IL4I1: variants seen among roughly 807,000 people sequenced by gnomAD.
The protein encoded by IL4I1 is L-amino-acid oxidase.
IL4I1 carries 24 observed loss-of-function variants against 29.7 expected under a neutral mutation model. That is an observed-to-expected ratio of 0.81 (90% CI 0.59 to 1.14). The LOEUF is 1.14. IL4I1 is among the 50% of genes most tolerant of loss of function. IL4I1 has a pLI of 0.00. For missense variants in IL4I1, 686 were observed against 785.6 expected (o/e 0.87, Z 1.52); for synonymous variants, 371 against 352.5 (o/e 1.05, Z -0.59).
chr19:49,922,888 C>A (rs1228569879), intron 2 of IL4I1, among the ~76,000 whole-genome samples: 6 of 152,096 alleles, frequency 3.9e-5, no homozygotes, highest in Non-Finnish European at 5.9e-5. Flanking sequence ...CCGGTCCAGG[C>A]CTCTTCCCAT....
intron 2 of IL4I1, among the ~76,000 whole-genome samples, chr19:49,912,520 AG>A (rs1813605337): frequency 6.6e-6 from 1 of 151,920 alleles, no homozygotes; most frequent in African/African-American, 2.4e-5. Context: ...CTCAGGTGCC[AG>A]GGATCTATTC....
rs149405354 is a variant in IL4I1 at position 49,909,247 on chromosome 19, C to T, written c.-227-4926G>A. ...CTGGCGTGGCCGGAGTGAAGGGCAA[C>T]GTGGCAGGTGCCGTGGGCTGGGCTG... On this transcript the variant is annotated intron_variant, in intron 2 of 9. Transcript: ENST00000341114. The T allele has an allele frequency of 3.9e-5, 63 of 1,613,872 alleles. No homozygotes were observed. The highest frequency in any genetic ancestry group is 1.5e-4 in the South Asian group (14 of 91,076).
chr19:49,898,433 G>T (rs1048319030), upstream of IL4I1, among the ~76,000 whole-genome samples: 2 of 152,220 alleles, frequency 1.3e-5, no homozygotes, highest in Admixed American at 6.5e-5. Context: ...GAGCCCAGGG[G>T]CTCGAGACCA....
intron 2 of IL4I1, among the ~76,000 whole-genome samples, chr19:49,919,552 T>G (rs1199177665): frequency 2.0e-5 from 3 of 152,194 alleles, no homozygotes; most frequent in African/African-American, 4.8e-5. Context: ...AGGCAGTAGC[T>G]AAATGATTTG....
chr19:49,901,860 T>C, upstream of IL4I1: 1 of 511,062 alleles, frequency 2.0e-6, no homozygotes, highest in East Asian at 3.4e-5. Context: ...AAGTGTTTTA[T>C]TATGGAAACT....
chr19:49,914,733 T>TTTTG lies in IL4I1; in HGVS notation c.-227-10413_-227-10412insCAAA, dbSNP rs1281360123. 3.5e-4 allele frequency among the ~76,000 whole-genome samples: 36 copies of TTTTG among 102,952 alleles called. 1 individual carries two copies. The South Asian group carries it at 3.5e-3, about 10-fold the overall frequency. 67.5% of individuals were successfully genotyped at this position (102,952 alleles called of 152,430 possible). On this transcript the variant is annotated intron_variant, in intron 2 of 9. Coordinates refer to the IL4I1 transcript ENST00000341114. The stretch of plus-strand genomic sequence containing the variant: ...GTGCCACTCCAAGTCCCAGTTTTTT[T>TTTTG]TTTTTTTTTTTTTTTTTTTTTTTTG...
At chr19:49,914,236 A>G (rs571418545) in intron 2 of IL4I1, among the ~76,000 whole-genome samples, 1 of 152,358 alleles carries the variant, frequency 6.6e-6, no homozygotes. Context: ...TGATCCCGGA[A>G]TTACCACATT....
intron 2 of IL4I1, among the ~76,000 whole-genome samples, chr19:49,926,243 T>TAA (rs2075885851): frequency 7.2e-6 from 1 of 139,594 alleles, no homozygotes; most frequent in Non-Finnish European, 1.5e-5. Flanking sequence ...TAGGTCTTGC[T>TAA]TAAGACTGGG....
At chr19:49,926,208 CAAAAAAAAAAA>C (rs33981121) in intron 2 of IL4I1, among the ~76,000 whole-genome samples, 2 of 42,516 alleles carry the variant, frequency 4.7e-5, no homozygotes, top group East Asian at 7.9e-4. Flanking sequence ...GACTCTGTCT[CAAAAAAAAAAA>C]AAAAAAAAAA....
At chr19:49,923,987 G>A (rs2075824565) in intron 2 of IL4I1, among the ~76,000 whole-genome samples, 1 of 152,260 alleles carries the variant, frequency 6.6e-6, no homozygotes, top group South Asian at 2.1e-4. Flanking sequence ...CATCATGCCA[G>A]GAGGCCACCG....
chr19:49,894,900 G>A (rs1323798912), intron 4 of IL4I1, among the ~76,000 whole-genome samples, 168 bp downstream of exon 4: 1 of 152,094 alleles, frequency 6.6e-6, no homozygotes, highest in Non-Finnish European at 1.5e-5. Context: ...TGTTGCCAGA[G>A]GCCCAGGGCT....
intron 2 of IL4I1, among the ~76,000 whole-genome samples, chr19:49,918,772 T>C (rs534494100): frequency 1.6e-3 from 236 of 152,090 alleles, no homozygotes; most frequent in Middle Eastern, 0.01. Context: ...TGTTCCCGTG[T>C]GCTCACTACC....
At chr19:49,909,119 G>T in intron 2 of IL4I1, 1 of 1,612,516 alleles carries the variant, frequency 6.2e-7, no homozygotes. Flanking sequence ...GGCAGATGAG[G>T]TTGGAGCAGT....
chr19:49,892,496 T>A (rs2075152434), intron 5 of IL4I1, among the ~76,000 whole-genome samples: 1 of 152,216 alleles, frequency 6.6e-6, no homozygotes, highest in Non-Finnish European at 1.5e-5. Flanking sequence ...CAGCTCTGGT[T>A]CTGTGAACAG....
At chr19:49,903,204 G>C (rs1452901761) in intron 3 of IL4I1, among the ~76,000 whole-genome samples, 3 of 152,186 alleles carry the variant, frequency 2.0e-5, no homozygotes, top group African/African-American at 7.2e-5. Flanking sequence ...GTCTTGGTCA[G>C]TAAGTGTCAC....
intron 2 of IL4I1, chr19:49,908,957 C>T: frequency 6.2e-7 from 1 of 1,609,454 alleles, no homozygotes; most frequent in Non-Finnish European, 8.5e-7. Context: ...GGTGCTGCTG[C>T]TGCTGGTGGT....
chr19:49,927,537 C>A (rs1418191220), intron 2 of IL4I1, among the ~76,000 whole-genome samples: 2 of 152,180 alleles, frequency 1.3e-5, no homozygotes, highest in Non-Finnish European at 2.9e-5. Flanking sequence ...TATACTGCCT[C>A]AGTGATAACA....
intron 2 of IL4I1, among the ~76,000 whole-genome samples, chr19:49,914,592 C>T (rs1367269513): frequency 1.3e-5 from 2 of 152,130 alleles, no homozygotes; most frequent in African/African-American, 2.4e-5. Context: ...GATTCAGATG[C>T]GGAATCATCT....
intron 2 of IL4I1, among the ~76,000 whole-genome samples, chr19:49,926,208 CAA>C (rs33981121): frequency 7.5e-4 from 32 of 42,500 alleles, no homozygotes; most frequent in Admixed American, 2.2e-3. Context: ...GACTCTGTCT[CAA>C]AAAAAAAAAA....
Sources: allele counts gnomAD v4.1 joint callset (sites outside exome capture counted in the v4.1 genomes callset), GRCh38; gene constraint gnomAD v4.1.1; transcripts MANE v1.5; gene names NCBI Gene and HGNC (gene_info 2026-07-23, HGNC 2026-07-21).